The following ERBB4 variants were observed in gnomAD, a reference collection of about 807,000 sequenced individuals.
ERBB4 encodes receptor tyrosine-protein kinase erbB-4.
In ERBB4, 42 loss-of-function variants were observed where a neutral mutation model predicts 158.0. The ratio of observed to expected loss-of-function variants is 0.27; its 90% CI spans 0.21 to 0.34. The LOEUF is 0.34. Among genes scored for constraint, ERBB4 ranks in the 10% least tolerant of loss-of-function variants. ERBB4 has a pLI of 1.00. For missense variants in ERBB4, 1,333 were observed against 1,624.1 expected (o/e 0.82, Z 3.08); for synonymous variants, 583 against 558.7 (o/e 1.04, Z -0.61).
At chr2:212,511,327 T>TA (rs1271512348) in intron 1 of ERBB4, among the ~76,000 whole-genome samples, 1 of 152,198 alleles carries the variant, frequency 6.6e-6, no homozygotes, top group Non-Finnish European at 1.5e-5. Context: ...ACACAGTTTT[T>TA]ATGAGAATCA....
intron 1 of ERBB4, among the ~76,000 whole-genome samples, chr2:212,179,786 CTTTATGATGAAATA>C (rs2081797727): frequency 6.6e-6 from 1 of 151,550 alleles, no homozygotes; most frequent in South Asian, 2.1e-4. Context: ...TATAAACACA[CTTTATGATGAAATA>C]TTTCATTAAG....
chr2:212,081,570 G>A (rs979890597), intron 2 of ERBB4, among the ~76,000 whole-genome samples: 1 of 152,070 alleles, frequency 6.6e-6, no homozygotes, highest in African/African-American at 2.4e-5. Context: ...AGCTTTTCCT[G>A]TGCTTGAGTC....
intron 4 of ERBB4, among the ~76,000 whole-genome samples, chr2:211,771,240 C>G (rs960283535): frequency 1.3e-5 from 2 of 152,190 alleles, no homozygotes; most frequent in Non-Finnish European, 2.9e-5. Context: ...ACATGACGAA[C>G]CTTGGCCTTT....
intron 3 of ERBB4, among the ~76,000 whole-genome samples, chr2:211,892,491 C>T (rs1280042828): frequency 2.2e-5 from 3 of 135,768 alleles, no homozygotes; most frequent in Non-Finnish European, 4.7e-5. Flanking sequence ...CCTTTGAAAA[C>T]TGGCACAAGA....
At chr2:212,491,436 T>C (rs2054618) in intron 1 of ERBB4, among the ~76,000 whole-genome samples, 7,028 of 151,664 alleles carry the variant, frequency 0.046, 547 homozygotes, top group African/African-American at 0.16. Flanking sequence ...TAACATGTTG[T>C]TTAATTTGTG....
intron 20 of ERBB4, among the ~76,000 whole-genome samples, chr2:211,489,326 C>G (rs542631314): frequency 1.3e-5 from 2 of 152,036 alleles, no homozygotes; most frequent in East Asian, 3.9e-4. Context: ...TTTTGGGAGC[C>G]AGAATGTCTG....
intron 1 of ERBB4, among the ~76,000 whole-genome samples, chr2:212,304,451 G>A (rs562401795): frequency 2.0e-5 from 3 of 148,638 alleles, no homozygotes; most frequent in African/African-American, 7.3e-5. Flanking sequence ...CTGGGCAAAT[G>A]GTACTGGCTT....
chr2:212,533,446 C>T (rs1183177002), intron 1 of ERBB4, among the ~76,000 whole-genome samples: 1 of 152,136 alleles, frequency 6.6e-6, no homozygotes, highest in Non-Finnish European at 1.5e-5. Context: ...TTAAGAAACT[C>T]GAGAACTGTC....
At chr2:211,970,482 A>G (rs1312576951) in intron 2 of ERBB4, among the ~76,000 whole-genome samples, 1 of 152,138 alleles carries the variant, frequency 6.6e-6, no homozygotes, top group Non-Finnish European at 1.5e-5. Flanking sequence ...GAGGTGTTAA[A>G]GTCTCCCACT....
At chr2:212,473,738 A>G (rs1186135652) in intron 1 of ERBB4, among the ~76,000 whole-genome samples, 1 of 152,106 alleles carries the variant, frequency 6.6e-6, no homozygotes, top group East Asian at 1.9e-4. Context: ...ACTACAGCTT[A>G]CTGATATTGG....
intron 1 of ERBB4, among the ~76,000 whole-genome samples, chr2:212,289,638 A>G (rs1312554737): frequency 6.6e-6 from 1 of 152,160 alleles, no homozygotes; most frequent in Non-Finnish European, 1.5e-5. Flanking sequence ...ATTGGGCTCA[A>G]TGGGAATTCT....
chr2:212,211,552 T>TG (rs1436462357), intron 1 of ERBB4, among the ~76,000 whole-genome samples: 2 of 151,546 alleles, frequency 1.3e-5, no homozygotes, highest in Non-Finnish European at 2.9e-5. Flanking sequence ...AAAACCTACT[T>TG]GTGAGAGAGA....
chr2:211,631,147 C>T (rs921077070), intron 16 of ERBB4, among the ~76,000 whole-genome samples: 2 of 151,996 alleles, frequency 1.3e-5, no homozygotes. Flanking sequence ...CCAGTAGCAC[C>T]CCCATCCTCT....
At chr2:212,177,086 A>T (rs374206491) in intron 1 of ERBB4, among the ~76,000 whole-genome samples, 1 of 152,036 alleles carries the variant, frequency 6.6e-6, no homozygotes, top group South Asian at 2.1e-4. Context: ...GATTAATATG[A>T]TTATTTCATT....
At chr2:211,854,923 C>T (rs1281370679) in intron 3 of ERBB4, among the ~76,000 whole-genome samples, 1 of 152,070 alleles carries the variant, frequency 6.6e-6, no homozygotes, top group Non-Finnish European at 1.5e-5. Context: ...ATACCTTTAG[C>T]CGCTATTGCT....
intron 3 of ERBB4, among the ~76,000 whole-genome samples, chr2:211,844,087 A>T (rs2077537648): frequency 6.6e-6 from 1 of 152,112 alleles, no homozygotes; most frequent in Admixed American, 6.6e-5. Flanking sequence ...CCCTGAAAAT[A>T]CACATCCCTG....
At chr2:211,629,110 T>C (rs2069989733) in intron 17 of ERBB4, among the ~76,000 whole-genome samples, 1 of 152,074 alleles carries the variant, frequency 6.6e-6, no homozygotes, top group South Asian at 2.1e-4. Context: ...ATTTTGTCCC[T>C]GTTTTTAGAT....
At chr2:212,461,076 C>G (rs1688549132) in intron 1 of ERBB4, among the ~76,000 whole-genome samples, 2 of 152,158 alleles carry the variant, frequency 1.3e-5, no homozygotes, top group South Asian at 2.1e-4. Context: ...AGGGGAAGGG[C>G]TCTCATAGAC....
chr2:212,041,058 C>T (rs933814434), intron 2 of ERBB4, among the ~76,000 whole-genome samples: 5 of 151,998 alleles, frequency 3.3e-5, no homozygotes, highest in Non-Finnish European at 1.5e-5. Flanking sequence ...GTGGGAGTTA[C>T]GTGAACTTGA....
Sources: gnomAD v4.1 joint callset for allele counts (sites outside exome capture counted in the v4.1 genomes callset) on GRCh38, gnomAD v4.1.1 for gene constraint, MANE v1.5 for transcripts, NCBI Gene and HGNC (gene_info 2026-07-23, HGNC 2026-07-21) for gene names.